The following CSMD2 variants were observed in gnomAD, a reference collection of about 807,000 sequenced individuals.
CSMD2 encodes the protein CUB and Sushi multiple domains 2, also known as CUB and sushi domain-containing protein 2.
Under a neutral mutation model 398.5 loss-of-function variants are expected in CSMD2, and 130 were observed. The ratio of observed to expected loss-of-function variants is 0.33; its 90% CI spans 0.28 to 0.38. The LOEUF (loss-of-function observed/expected upper bound fraction) is 0.38, where lower values mean the gene tolerates loss of function less well. Among genes scored for constraint, CSMD2 ranks in the 10% least tolerant of loss-of-function variants. CSMD2 has a pLI of 1.00. For missense variants in CSMD2, 3,829 were observed against 4,764.9 expected (o/e 0.80, Z 5.78); for synonymous variants, 1,828 against 1,908.5 (o/e 0.96, Z 1.10).
At chr1:33,597,464 G>T (rs1283024983) in intron 44 of CSMD2, among the ~76,000 whole-genome samples, 1 of 152,172 alleles carries the variant, frequency 6.6e-6, no homozygotes, top group East Asian at 1.9e-4. Context: ...GCTGTCTGGG[G>T]AGCAGACATT....
chr1:34,133,584 T>C (rs541472990), intron 1 of CSMD2, among the ~76,000 whole-genome samples: 1 of 151,704 alleles, frequency 6.6e-6, no homozygotes, highest in African/African-American at 2.4e-5. Context: ...TGAGCCAATA[T>C]TGCACCACTG....
Position 33,624,024 on chromosome 1 carries a change from G to C in CSMD2, c.5625+495C>G, listed in dbSNP as rs1641938241. Reference sequence around the variant, plus strand: ...GCTTCTACAGCTCATGCTGTGCGTGGTTCCCTAGGTGTGTGCCTGGGGGTT... The same window carrying C: ...GCTTCTACAGCTCATGCTGTGCGTGCTTCCCTAGGTGTGTGCCTGGGGGTT... On this transcript the variant is annotated intron_variant, in intron 35 of 70. Coordinates refer to ENST00000373381, the MANE Select transcript of CSMD2 (RefSeq NM_001281956.2). The surrounding 1 kb of genome is among the most constrained non-coding windows in gnomAD (Gnocchi z 4.7). Among the ~76,000 whole-genome samples, 1 of 152,192 alleles carries C rather than the reference G, an allele frequency of 6.6e-6. No individual in the cohort carries two copies. The highest frequency in any genetic ancestry group is 1.5e-5 in the Non-Finnish European group (1 of 68,034).
chr1:34,070,375 T>A (rs1223083317), intron 2 of CSMD2, among the ~76,000 whole-genome samples: 1 of 152,176 alleles, frequency 6.6e-6, no homozygotes, highest in Non-Finnish European at 1.5e-5. Context: ...CCCAAGGCCT[T>A]TCTCCCGCCC....
chr1:33,833,809 A>T (rs1158375495), intron 6 of CSMD2, among the ~76,000 whole-genome samples: 1 of 152,180 alleles, frequency 6.6e-6, no homozygotes, highest in Non-Finnish European at 1.5e-5. Flanking sequence ...CAGTCTCAGG[A>T]TACAAAATCA....
intron 13 of CSMD2, among the ~76,000 whole-genome samples, chr1:33,745,880 T>C (rs1647311661): frequency 6.6e-6 from 1 of 152,224 alleles, no homozygotes; most frequent in Admixed American, 6.5e-5. Flanking sequence ...TTCCATCACT[T>C]GCTCAATTTA....
intron 5 of CSMD2, chr1:33,873,667 T>C (rs1397313459): frequency 6.6e-6 from 1 of 152,182 alleles, no homozygotes; most frequent in Non-Finnish European, 1.5e-5. Flanking sequence ...TCCCCTCTAG[T>C]TGAGCTTTGA....
chr1:33,527,254 G>T lies in CSMD2; in HGVS notation c.10176C>A (p.Val3392=). The T allele has an allele frequency of 6.2e-7, 1 of 1,612,676 alleles. No individual in the cohort carries two copies. Among genetic ancestry groups the T allele is most frequent in the Non-Finnish European group, 8.5e-7 (1 of 1,179,310 alleles). Residue 3392 remains valine (V), a synonymous_variant, in exon 65 of 71, where the codon GTC becomes GTA. Transcript: ENST00000373381. ...WTGKPPICLE[V]RPSGRPINTA... The stretch of plus-strand genomic sequence containing the variant: ...TGTTGATGGGTCTCCCACTGGGCCG[G>T]ACCTCTGCTGGGGAAAAAGAGTGGA...
chr1:34,020,137 C>T (rs1428770933), intron 3 of CSMD2, among the ~76,000 whole-genome samples: 1 of 152,096 alleles, frequency 6.6e-6, no homozygotes, highest in Non-Finnish European at 1.5e-5. Context: ...ACAGTGTGGT[C>T]AGAAAAGGCT....
intron 5 of CSMD2, chr1:33,875,705 T>C (rs1027194331): frequency 6.6e-6 from 1 of 152,144 alleles, no homozygotes; most frequent in African/African-American, 2.4e-5. Flanking sequence ...AATTCTCTGG[T>C]TGGGTACTTC....
chr1:33,550,002 T>C (rs1557519820), intron 56 of CSMD2, among the ~76,000 whole-genome samples, 175 bp downstream of exon 56: 5 of 152,234 alleles, frequency 3.3e-5, no homozygotes, highest in African/African-American at 7.2e-5. Flanking sequence ...CACCAGAAGC[T>C]GAAGCTCCAT....
intron 3 of CSMD2, among the ~76,000 whole-genome samples, chr1:33,953,341 A>G (rs504471): frequency 0.41 from 61,708 of 152,012 alleles, 13,413 homozygotes; most frequent in African/African-American, 0.57. Context: ...TTGCAGAGCC[A>G]TGGCCTACCC....
chr1:33,590,294 A>ATTTTTTTTTT (rs56252015), intron 44 of CSMD2, among the ~76,000 whole-genome samples: 9 of 73,862 alleles, frequency 1.2e-4, no homozygotes, highest in South Asian at 5.0e-4. Flanking sequence ...GCTAATTAAA[A>ATTTTTTTTTT]TTTTTTTTTT....
At chr1:33,774,107 TTGTGTGTGTGTGTGTGTGTGTG>T (rs61454614) in intron 12 of CSMD2, among the ~76,000 whole-genome samples, 5 of 141,618 alleles carry the variant, frequency 3.5e-5, no homozygotes, top group African/African-American at 1.0e-4. Flanking sequence ...ATGGCTGGGA[TTGTGTGTGTGTGTGTGTGTGTG>T]TGTGTGTGTG....
At chr1:33,614,843 C>T (rs1641282893) in intron 39 of CSMD2, among the ~76,000 whole-genome samples, 1 of 152,214 alleles carries the variant, frequency 6.6e-6, no homozygotes, top group Non-Finnish European at 1.5e-5. Context: ...TAAAAGTCCA[C>T]AAACCCAAGT....
At position 33,724,682 on chromosome 1, in the gene CSMD2, G is replaced by T; in HGVS notation, c.2718C>A (p.His906Gln). Reference protein sequence around the residue: ...RYETITLQSDHCLDPGIPVNG... With the variant: ...RYETITLQSDQCLDPGIPVNG... ...TTACTGGGATTCCTGGATCCAGACAGTGGTCTGACTGCAGTGTTATAGCTG... is the reference window on the plus strand; with the variant it reads ...TTACTGGGATTCCTGGATCCAGACATTGGTCTGACTGCAGTGTTATAGCTG... Residue 906 changes from histidine to glutamine, a missense_variant, in exon 18 of 71, where the codon CAC (histidine) becomes CAA (glutamine). Physicochemically the swap from His to Gln is conservative, Grantham distance 24. Transcript: ENST00000373381. The T allele has an allele frequency of 6.2e-7, 1 of 1,614,136 alleles. No individual in the cohort carries two copies. The highest frequency in any genetic ancestry group is 8.5e-7 in the Non-Finnish European group (1 of 1,180,006).
chr1:33,741,749 T>C (rs1035805961), intron 14 of CSMD2, among the ~76,000 whole-genome samples: 1 of 152,202 alleles, frequency 6.6e-6, no homozygotes, highest in African/African-American at 2.4e-5. Flanking sequence ...GTTAGTCTGC[T>C]GCCGTCATGA....
chr1:33,605,805 G>A (rs529939323), intron 41 of CSMD2: 1 of 1,375,958 alleles, frequency 7.3e-7, no homozygotes, highest in East Asian at 2.3e-5. Flanking sequence ...TATTCACTGA[G>A]TGCCACTGGG....
rs370306793 is a variant in CSMD2, at chr1:33,602,452, C to G, written c.6627G>C (p.Leu2209=). 4.3e-6 allele frequency: 7 copies of G among 1,613,846 alleles called. No individual in the cohort carries two copies. The African/African-American group carries it at 5.3e-5, about 12-fold the overall frequency. The change falls in exon 43 of 71, where the codon CTG becomes CTC. Residue 2209 remains leucine (L), a synonymous_variant. Transcript: ENST00000373381. ...PYSSSQDCVW[L]ITVPIGHGVR... ...CGCCATGGCCAATGGGCACGGTGAT[C>G]AGCCAGACACAGTCCTGGGAGCTGG...
chr1:34,002,707 G>A (rs1483259865), intron 3 of CSMD2, among the ~76,000 whole-genome samples: 4 of 152,176 alleles, frequency 2.6e-5, no homozygotes, highest in Non-Finnish European at 4.4e-5. Flanking sequence ...TTTTCAGGCA[G>A]AGTTGTTGTG....
Sources: allele counts gnomAD v4.1 joint callset (sites outside exome capture counted in the v4.1 genomes callset), GRCh38; gene constraint gnomAD v4.1.1; non-coding constraint Gnocchi (gnomAD v3.1); transcripts MANE v1.5; gene names NCBI Gene and HGNC (gene_info 2026-07-23, HGNC 2026-07-21).